CHGA: variants seen among roughly 807,000 people sequenced by gnomAD.
CHGA encodes the protein chromogranin A.
Under a neutral mutation model 54.4 loss-of-function variants are expected in CHGA, and 41 were observed. That is an observed-to-expected ratio of 0.75 (90% CI 0.59 to 0.98). CHGA has a LOEUF of 0.98. Ranked by LOEUF, CHGA falls within the 50% of genes least tolerant of loss-of-function variation. The pLI, the probability that CHGA is intolerant of heterozygous loss-of-function variation, is 0.00. For missense variants in CHGA, 576 were observed against 582.3 expected, an observed-to-expected ratio of 0.99 and a Z score of 0.11; for synonymous variants, 249 against 232.8, an observed-to-expected ratio of 1.07 and a Z score of -0.63.
intron 5 of CHGA, 123 bp from the exon 6 acceptor site, chr14:92,931,124 CGTT>C: frequency 1.1e-6 from 1 of 906,074 alleles, no homozygotes; most frequent in Non-Finnish European, 1.7e-6. Context: ...TAACCCTAAT[CGTT>C]GTCCTGGGCT....
In CHGA at chr14:92,931,605, T is replaced by G. The variant is rs1886999348; in HGVS notation, c.711T>G (p.Ala237=). Residue 237 remains alanine, a synonymous_variant, in exon 6 of 8, where the codon GCT becomes GCG. Coordinates refer to ENST00000216492, the MANE Select transcript of CHGA (RefSeq NM_001275.4). ...REEEEEEEEE[A]EAGEEAVPEE... ...AGGAGGAGGAGGAGGAGGAGGAGGC[T>G]GAGGCTGGAGAGGAGGCTGTCCCCG... is the stretch of plus-strand genomic sequence containing the variant. 5 of 1,612,198 alleles carry G rather than the reference T, an allele frequency of 3.1e-6. No homozygotes were observed. The highest frequency in any genetic ancestry group is 4.2e-6 in the Non-Finnish European group (5 of 1,179,430).
At position 92,932,804 on chromosome 14, in the gene CHGA, C is replaced by A; in HGVS notation, c.1243C>A (p.Pro415Thr). The change falls in exon 7 of 8, where the codon CCC (proline) becomes ACC (threonine). Residue 415 changes from proline (P) to threonine (T), a missense_variant. Transcript: ENST00000216492. The surrounding 1 kb of genome is among the most constrained non-coding windows in gnomAD (Gnocchi z 5.3). ...CCTGCCCCTCCAGGTCCGAGGCTAC[C>A]CCGAGGAGAAGAAAGAGGAGGAGGG... The part of the protein sequence containing the change: ...AGLPLQVRGY[P>T]EEKKEEEGSA... 1 of 1,554,260 alleles carries A rather than the reference C, an allele frequency of 6.4e-7. No homozygotes were observed.
In CHGA at chr14:92,932,495, G is replaced by T. The variant is rs1463722995; in HGVS notation, c.934G>T (p.Val312Phe). Residue 312 changes from valine (V) to phenylalanine (F), a missense_variant, in exon 7 of 8, where the codon GTC (valine) becomes TTC (phenylalanine). Val to Phe is a conservative substitution (Grantham distance 50, BLOSUM62 -1). Transcript: ENST00000216492. The surrounding 1 kb of genome is among the most constrained non-coding windows in gnomAD (Gnocchi z 5.3). ...AGAGGAGGAGGAGGAGATGGCAGTG[G>T]TCCCGCAAGGCCTCTTCCGGGGTGG... ...QKEEEEEMAV[V>F]PQGLFRGGKS... The T allele has an allele frequency of 2.6e-6, 4 of 1,554,474 alleles. No individual in the cohort carries two copies. Among genetic ancestry groups the T allele is most frequent in the Non-Finnish European group, 3.5e-6 (4 of 1,148,974 alleles).
chr14:92,932,846 C>A lies in CHGA; in HGVS notation c.1285C>A (p.Pro429Thr). The change falls in exon 7 of 8, where the codon CCA (proline) becomes ACA (threonine). Residue 429 changes from proline to threonine, a missense_variant. Coordinates refer to ENST00000216492, the MANE Select transcript of CHGA (RefSeq NM_001275.4). The surrounding 1 kb of genome is among the most constrained non-coding windows in gnomAD (Gnocchi z 5.3). ...GGAGGAGGGCAGCGCAAACCGCAGACCAGAGGTTGGTATGGGGCGGGAGCC... is the reference window on the plus strand; with the variant it reads ...GGAGGAGGGCAGCGCAAACCGCAGAACAGAGGTTGGTATGGGGCGGGAGCC... The part of the protein sequence containing the change: ...KEEEGSANRR[P>T]EDQELESLSA... 6.0e-6 allele frequency: 9 copies of A among 1,489,360 alleles called. No homozygotes were observed. The highest frequency in any genetic ancestry group is 8.1e-6 in the Non-Finnish European group (9 of 1,117,154). 92.3% of individuals were successfully genotyped at this position (1,489,360 alleles called of 1,614,324 possible). A position where few individuals can be genotyped will look rare whatever the true frequency, so the allele number is the denominator to read the frequency against.
At chr14:92,933,047 C>A in intron 7 of CHGA, 196 bp downstream of exon 7, 1 of 773,412 alleles carries the variant, frequency 1.3e-6, no homozygotes, top group Non-Finnish European at 1.9e-6. Context: ...GCAAAGCTGG[C>A]TGGGAGATGG....
rs200557979 is a variant in CHGA at position 92,932,949 on chromosome 14, GC to G, written c.1290+105del. The G allele has an allele frequency of 1.6e-5, 23 of 1,425,908 alleles. No homozygotes were observed. Among genetic ancestry groups the G allele is most frequent in the Middle Eastern group, 2.6e-4 (1 of 3,870 alleles). 88.3% of individuals were successfully genotyped at this position (1,425,908 alleles called of 1,614,324 possible). A position where few individuals can be genotyped will look rare whatever the true frequency, so the allele number is the denominator to read the frequency against. On this transcript the variant is annotated intron_variant, in intron 7 of 7. Transcript: ENST00000216492. This position sits in a 1 kb window ranked among gnomAD's most constrained non-coding sequence, Gnocchi z 5.3. Reference sequence around the variant, plus strand: ...GCCCCTGCCCCACTGAGGGGACAGGGCCCCCCCGCCGAAGTCTGGGGATGGA... The same window carrying G: ...GCCCCTGCCCCACTGAGGGGACAGGGCCCCCCGCCGAAGTCTGGGGATGGA...
rs193292809 is a variant in CHGA, at chr14:92,924,204, G to A, written c.52G>A (p.Ala18Thr). ...CACTCTCTTCTTCTTCCCAGTCACT[G>A]CGCTCCCTGTGAACAGCCCTATGAA... ...ALLLCAGQVT[A>T]LPVNSPMNKG... Residue 18 changes from alanine to threonine, a missense_variant, in exon 2 of 8, where the codon GCG (alanine) becomes ACG (threonine). By Grantham distance (58) the Ala-to-Thr change is moderately conservative. Transcript: ENST00000216492. The A allele has an allele frequency of 6.2e-6, 10 of 1,612,400 alleles. No homozygotes were observed. The highest frequency in any genetic ancestry group is 1.7e-4 in the Middle Eastern group (1 of 6,056).
At chr14:92,926,387 G>GTA in intron 2 of CHGA, 5 of 560,420 alleles carry the variant, frequency 8.9e-6, no homozygotes, top group Admixed American at 6.0e-5. Flanking sequence ...TGGTTGGAGT[G>GTA]GCTGACACAT....
Position 92,931,576 on chromosome 14 carries a change from G to T in CHGA, c.682G>T (p.Glu228Ter). 6.2e-7 allele frequency: 1 copy of T among 1,613,252 alleles called. No individual in the cohort carries two copies. Among genetic ancestry groups the T allele is most frequent in the Non-Finnish European group, 8.5e-7 (1 of 1,179,906 alleles). Residue 228 changes from glutamate to a stop codon, truncating the protein, a stop_gained, in exon 6 of 8, where the codon GAA becomes TAA. Transcript: ENST00000216492. LOFTEE classifies it high-confidence loss of function. Reference protein sequence around the residue: ...SAEPGWQAKREEEEEEEEEAE... With the variant: ...SAEPGWQAKR Reference sequence around the variant, plus strand: ...AGAGCCAGGGTGGCAGGCAAAGAGAGAAGAGGAGGAGGAGGAGGAGGAGGA... The same window carrying T: ...AGAGCCAGGGTGGCAGGCAAAGAGATAAGAGGAGGAGGAGGAGGAGGAGGA...
Position 92,934,824 on chromosome 14 carries a change from G to T in CHGA, c.1314G>T (p.Ser438=). The T allele has an allele frequency of 6.3e-7, 1 of 1,587,510 alleles. No individual in the cohort carries two copies. The highest frequency in any genetic ancestry group is 8.6e-7 in the Non-Finnish European group (1 of 1,168,050). Reference sequence around the variant, plus strand: ...AGGACCAGGAGCTGGAGAGCCTGTCGGCCATTGAAGCAGAGCTGGAGAAAG... The same window carrying T: ...AGGACCAGGAGCTGGAGAGCCTGTCTGCCATTGAAGCAGAGCTGGAGAAAG... ...RPEDQELESL[S]AIEAELEKVA... is the part of the protein sequence containing the mutation. Residue 438 remains serine (S), a synonymous_variant, in exon 8 of 8, where the codon TCG becomes TCT. Transcript: ENST00000216492.
intron 5 of CHGA, among the ~76,000 whole-genome samples, 197 bp downstream of exon 5, chr14:92,930,012 G>A (rs989236731): frequency 1.3e-5 from 2 of 152,182 alleles, no homozygotes; most frequent in Non-Finnish European, 2.9e-5. Context: ...CAGGGGTTTC[G>A]ATCTGGTCCT....
rs1275432317 is a variant in CHGA at position 92,925,152 on chromosome 14, T to C, written c.93+907T>C. ...CTTAATTTCTCTGAGCTCCGCCTTT[T>C]TCTCCTTTTCCTTGAGGGGAGGTGT... On this transcript the variant is annotated intron_variant, in intron 2 of 7. Coordinates refer to ENST00000216492, the MANE Select transcript of CHGA (RefSeq NM_001275.4). Among the ~76,000 whole-genome samples, 4 of 152,226 alleles carry C rather than the reference T, an allele frequency of 2.6e-5. No homozygotes were observed. The East Asian group carries it at 5.8e-4, about 22-fold the overall frequency.
In CHGA at chr14:92,931,341, C is replaced by G. The variant is rs1264868299; in HGVS notation, c.447C>G (p.Ala149=). 6.2e-7 allele frequency: 1 copy of G among 1,613,566 alleles called. No individual in the cohort carries two copies. Among genetic ancestry groups the G allele is most frequent in the Non-Finnish European group, 8.5e-7 (1 of 1,179,984 alleles). ...AAAGTGGTGAAGCCACAGACGGAGC[C>G]AGGCCCCAGGCCCTCCCGGAGCCCA... ...AEKSGEATDG[A]RPQALPEPMQ... The change falls in exon 6 of 8, where the codon GCC becomes GCG. Residue 149 remains alanine, a synonymous_variant. Coordinates refer to ENST00000216492, the MANE Select transcript of CHGA (RefSeq NM_001275.4).
chr14:92,934,853 C>T lies in CHGA; in HGVS notation c.1343C>T (p.Ala448Val). The T allele has an allele frequency of 6.3e-7, 1 of 1,583,170 alleles. No homozygotes were observed. Among genetic ancestry groups the T allele is most frequent in the East Asian group, 2.3e-5 (1 of 42,956 alleles). ...SAIEAELEKV[A>V]HQLQALRRG ...ATTGAAGCAGAGCTGGAGAAAGTGG[C>T]CCACCAGCTGCAGGCACTACGGCGG... The change falls in exon 8 of 8, where the codon GCC becomes GTC. Residue 448 changes from alanine (A) to valine (V), a missense_variant. Coordinates refer to ENST00000216492, the MANE Select transcript of CHGA (RefSeq NM_001275.4).
intron 5 of CHGA, 132 bp from the exon 6 acceptor site, chr14:92,931,118 C>T (rs775215722): frequency 1.4e-5 from 12 of 840,686 alleles, no homozygotes; most frequent in Non-Finnish European, 2.2e-5. Flanking sequence ...GAGGGGTAAC[C>T]CTAATCGTTG....
intron 3 of CHGA, among the ~76,000 whole-genome samples, chr14:92,927,020 C>T (rs1034497895): frequency 3.3e-5 from 5 of 152,242 alleles, no homozygotes; most frequent in African/African-American, 1.2e-4. Context: ...ATCCCAGTGC[C>T]TAGAACAGCC....
Position 92,923,192 on chromosome 14 carries a change from G to A in CHGA, c.-168G>A, listed in dbSNP as rs561885950. The A allele has an allele frequency of 2.1e-6, 1 of 471,470 alleles. No individual in the cohort carries two copies. The highest frequency in any genetic ancestry group is 3.3e-6 in the Non-Finnish European group (1 of 304,554). 29.2% of individuals were successfully genotyped at this position (471,470 alleles called of 1,614,324 possible). On this transcript the variant is annotated 5_prime_UTR_variant, in exon 1 of 8. Coordinates refer to ENST00000216492, the MANE Select transcript of CHGA (RefSeq NM_001275.4). ...TGCAGTGCTCGAGCCCCGTGCAGGG[G>A]AGCTTGCGGGAGGATCGACCGACAG...
At position 92,927,618 on chromosome 14, in the gene CHGA, G is replaced by C. The variant is rs1020356557; in HGVS notation, c.256G>C (p.Gly86Arg). The C allele has an allele frequency of 6.2e-7, 1 of 1,612,266 alleles. No individual in the cohort carries two copies. The highest frequency in any genetic ancestry group is 1.3e-5 in the African/African-American group (1 of 74,852). ...GGAGCTCCAAGACCTCGCTCTCCAA[G>C]GTATTTTCCAGCCACTGCACTTGAC... ...LKELQDLALQ[G>R]AKERAHQQKK... The change falls in exon 4 of 8, where the codon GGC becomes CGC. Residue 86 changes from glycine to arginine, a missense_variant and splice_region_variant. By Grantham distance (125) the Gly-to-Arg change is moderately radical. Coordinates refer to ENST00000216492, the MANE Select transcript of CHGA (RefSeq NM_001275.4).
Position 92,931,323 on chromosome 14 carries a change from T to C in CHGA, c.429T>C (p.Gly143=), listed in dbSNP as rs767848158. 5 of 1,613,528 alleles carry C rather than the reference T, an allele frequency of 3.1e-6. No individual in the cohort carries two copies. The East Asian group carries it at 1.1e-4, about 36-fold the overall frequency. Reference sequence around the variant, plus strand: ...ATTCCAAGGAGGCAGAGAAAAGTGGTGAAGCCACAGACGGAGCCAGGCCCC... The same window carrying C: ...ATTCCAAGGAGGCAGAGAAAAGTGGCGAAGCCACAGACGGAGCCAGGCCCC... ...REDSKEAEKS[G]EATDGARPQA... Residue 143 remains glycine (G), a synonymous_variant, in exon 6 of 8, where the codon GGT becomes GGC. Coordinates refer to ENST00000216492, the MANE Select transcript of CHGA (RefSeq NM_001275.4).
Sources: gnomAD v4.1 joint callset for allele counts (sites outside exome capture counted in the v4.1 genomes callset) on GRCh38, gnomAD v4.1.1 for gene constraint, Gnocchi (gnomAD v3.1) non-coding constraint, MANE v1.5 for transcripts, NCBI Gene and HGNC (gene_info 2026-07-23, HGNC 2026-07-21) for gene names.